The following ZNF804B variants were observed in gnomAD, a reference collection of about 807,000 sequenced individuals.
ZNF804B encodes zinc finger 804B.
ZNF804B carries 80 observed loss-of-function variants against 101.4 expected under a neutral mutation model. That is an observed-to-expected ratio of 0.79 (90% confidence interval 0.66 to 0.95). The LOEUF (loss-of-function observed/expected upper bound fraction) is 0.95, where lower values mean the gene tolerates loss of function less well. Among genes scored for constraint, ZNF804B ranks in the 40% least tolerant of loss-of-function variants. The pLI is 0.00. For synonymous variants in ZNF804B, 622 were observed against 558.8 expected (o/e 1.11, Z -1.59); for missense variants, 1,673 against 1,561.9 (o/e 1.07, Z -1.20).
At chr7:89,316,578 G>C (rs1790728938) in intron 2 of ZNF804B, among the ~76,000 whole-genome samples, 1 of 152,080 alleles carries the variant, frequency 6.6e-6, no homozygotes, top group African/African-American at 2.4e-5. Flanking sequence ...TTCCACTTAG[G>C]TTATGGAAAA....
At chr7:88,946,420 G>A (rs763482933) in intron 1 of ZNF804B, among the ~76,000 whole-genome samples, 17 of 151,956 alleles carry the variant, frequency 1.1e-4, no homozygotes, top group Non-Finnish European at 2.4e-4. Flanking sequence ...TGTTGAACCA[G>A]CCTTGCATCC....
intron 1 of ZNF804B, among the ~76,000 whole-genome samples, chr7:88,940,348 G>T (rs1348376997): frequency 6.6e-6 from 1 of 151,910 alleles, no homozygotes; most frequent in Non-Finnish European, 1.5e-5. Context: ...GGTCTTAAAT[G>T]AGATTTTTAT....
chr7:89,140,667 A>G (rs987418137), intron 1 of ZNF804B, among the ~76,000 whole-genome samples: 1 of 152,044 alleles, frequency 6.6e-6, no homozygotes, highest in African/African-American at 2.4e-5. Flanking sequence ...CTCAGCCTTC[A>G]TAGAATTGAA....
chr7:89,105,368 C>A (rs1298962577), intron 1 of ZNF804B, among the ~76,000 whole-genome samples: 1 of 152,124 alleles, frequency 6.6e-6, no homozygotes, highest in Non-Finnish European at 1.5e-5. Context: ...TCAGATTTAT[C>A]TCTAAATTCC....
chr7:89,120,298 G>C (rs1053140217), intron 1 of ZNF804B, among the ~76,000 whole-genome samples: 7 of 149,672 alleles, frequency 4.7e-5, no homozygotes, highest in African/African-American at 1.7e-4. Flanking sequence ...AAAAAACAAA[G>C]AAAGAAAACC....
intron 2 of ZNF804B, among the ~76,000 whole-genome samples, chr7:89,279,431 GT>G (rs1790044994): frequency 1.3e-5 from 2 of 150,672 alleles, no homozygotes; most frequent in African/African-American, 4.9e-5. Flanking sequence ...TCTTGTGCCA[GT>G]TTTCAAAGGG....
At chr7:88,982,257 T>G (rs1221419824) in intron 1 of ZNF804B, among the ~76,000 whole-genome samples, 2 of 152,068 alleles carry the variant, frequency 1.3e-5, no homozygotes, top group African/African-American at 4.8e-5. Context: ...GCATCTTTAA[T>G]GATATTCTCT....
intron 1 of ZNF804B, among the ~76,000 whole-genome samples, chr7:88,867,523 C>A (rs1391553588): frequency 6.6e-6 from 1 of 152,116 alleles, no homozygotes; most frequent in Non-Finnish European, 1.5e-5. Context: ...TGGTGCACAC[C>A]CACATTAAGG....
rs1288481485 is a variant in ZNF804B at position 89,333,944 on chromosome 7, A to T, written c.962A>T (p.His321Leu). ...ACACTAGAAGATTCAATTGGCATTC[A>T]TGCTTCATTCTCTAAATCTAACATT... Reference protein sequence around the residue: ...DETLEDSIGIHASFSKSNIHL... With the variant: ...DETLEDSIGILASFSKSNIHL... Residue 321 changes from histidine to leucine, a missense_variant, in exon 4 of 4, where the codon CAT becomes CTT. His to Leu is a moderately conservative substitution (Grantham distance 99, BLOSUM62 -3). Transcript: ENST00000333190. 1.2e-6 allele frequency: 2 copies of T among 1,613,594 alleles called. No individual in the cohort carries two copies. Among genetic ancestry groups the T allele is most frequent in the African/African-American group, 2.7e-5 (2 of 75,032 alleles).
intron 2 of ZNF804B, among the ~76,000 whole-genome samples, chr7:89,251,704 C>T (rs1447900052): frequency 1.3e-5 from 2 of 151,896 alleles, no homozygotes; most frequent in South Asian, 2.1e-4. Context: ...CTTTCTATTA[C>T]AAAAATAGAA....
At chr7:89,291,942 T>C (rs1790298231) in intron 2 of ZNF804B, among the ~76,000 whole-genome samples, 1 of 152,104 alleles carries the variant, frequency 6.6e-6, no homozygotes, top group Non-Finnish European at 1.5e-5. Context: ...AGAAGACTTT[T>C]TAGGGAAACC....
chr7:89,179,319 C>T (rs752531699), intron 1 of ZNF804B, among the ~76,000 whole-genome samples: 2 of 152,112 alleles, frequency 1.3e-5, no homozygotes, highest in African/African-American at 4.8e-5. Context: ...CTACTTCCTA[C>T]ATTCGTAGGC....
rs1392388068 is a variant in ZNF804B at position 88,833,177 on chromosome 7, A to T, written c.108+73093A>T. Among the ~76,000 whole-genome samples the T allele has an allele frequency of 3.2e-4, 13 of 41,028 alleles. No individual in the cohort carries two copies. In the South Asian group the frequency reaches 8.8e-3, roughly 28 times the overall value. The allele number at this position is 41,028 out of a possible 152,430, so 26.9% of individuals were successfully genotyped here. On this transcript the variant is annotated intron_variant, in intron 1 of 3. Coordinates refer to ENST00000333190, the MANE Select transcript of ZNF804B (RefSeq NM_181646.5). ...TTTTTTGCTATTCTATCTTCCGCTT[A>T]AAAAAAAGTAAGTATTGTTGACATT... is the stretch of plus-strand genomic sequence containing the variant.
At chr7:89,006,236 C>T (rs1788367750) in intron 1 of ZNF804B, among the ~76,000 whole-genome samples, 1 of 151,966 alleles carries the variant, frequency 6.6e-6, no homozygotes, top group South Asian at 2.1e-4. Context: ...AATCCAGAGA[C>T]ATCTCAATTG....
At chr7:88,778,200 A>G (rs1461827711) in intron 1 of ZNF804B, among the ~76,000 whole-genome samples, 1 of 152,140 alleles carries the variant, frequency 6.6e-6, no homozygotes. Flanking sequence ...GAAGTTCCCT[A>G]CATTCTTAGG....
intron 1 of ZNF804B, among the ~76,000 whole-genome samples, chr7:89,032,591 T>G (rs1788855116): frequency 6.6e-6 from 1 of 152,096 alleles, no homozygotes; most frequent in Non-Finnish European, 1.5e-5. Context: ...TTGAGAAACA[T>G]GAAAATATAC....
intron 1 of ZNF804B, among the ~76,000 whole-genome samples, chr7:89,164,460 G>A (rs942086493): frequency 6.6e-6 from 1 of 152,120 alleles, no homozygotes; most frequent in Non-Finnish European, 1.5e-5. Flanking sequence ...AGACAATTCT[G>A]TGTCGGTTGC....
intron 2 of ZNF804B, among the ~76,000 whole-genome samples, chr7:89,253,983 G>T (rs1789583382): frequency 6.6e-6 from 1 of 151,914 alleles, no homozygotes; most frequent in African/African-American, 2.4e-5. Context: ...AAAAAAGAAG[G>T]GAACTCCCCT....
chr7:88,948,519 A>AT (rs967300449), intron 1 of ZNF804B, among the ~76,000 whole-genome samples: 2 of 151,782 alleles, frequency 1.3e-5, no homozygotes, highest in African/African-American at 4.8e-5. Context: ...GAGGAGAAGA[A>AT]TCCCCCAAAC....
Sources: gnomAD v4.1 joint callset for allele counts (sites outside exome capture counted in the v4.1 genomes callset) on GRCh38, gnomAD v4.1.1 for gene constraint, MANE v1.5 for transcripts, NCBI Gene and HGNC (gene_info 2026-07-23, HGNC 2026-07-21) for gene names.